ZNF385D: variants seen among roughly 807,000 people sequenced by gnomAD.
ZNF385D encodes the protein zinc finger protein 659.
Under a neutral mutation model 35.8 loss-of-function variants are expected in ZNF385D, and 15 were observed. The observed-to-expected ratio is 0.42, with a 90% CI of 0.28 to 0.64. The LOEUF (loss-of-function observed/expected upper bound fraction) is 0.64, where lower values mean the gene tolerates loss of function less well. ZNF385D is among the 30% of genes least tolerant of loss of function. The pLI is 0.23. For synonymous variants in ZNF385D, 212 were observed against 186.8 expected (o/e 1.13, Z -1.10); for missense variants, 474 against 494.6 (o/e 0.96, Z 0.39).
rs1703794940 is a variant in ZNF385D, at chr3:21,978,657, G to C, written c.325+190160C>G. ...TTCTTATTCAATTACTCTTTTATGA[G>C]TACAAGACATTTCTATTATGTCTAT... is the stretch of plus-strand genomic sequence containing the variant. On this transcript the variant is annotated intron_variant, in intron 3 of 5. Coordinates refer to the ZNF385D transcript ENST00000494108. Among the ~76,000 whole-genome samples, 3 of 152,048 alleles carry C rather than the reference G, an allele frequency of 2.0e-5. No homozygotes were observed. The South Asian group carries it at 6.2e-4, about 31-fold the overall frequency.
chr3:22,223,631 T>A (rs889714177), intron 2 of ZNF385D, among the ~76,000 whole-genome samples: 1 of 152,156 alleles, frequency 6.6e-6, no homozygotes, highest in African/African-American at 2.4e-5. Context: ...AAAAGCATAC[T>A]ATGCACCAGC....
At chr3:22,154,657 C>T (rs1705471151) in intron 3 of ZNF385D, among the ~76,000 whole-genome samples, 1 of 152,272 alleles carries the variant, frequency 6.6e-6, no homozygotes, top group Non-Finnish European at 1.5e-5. Context: ...TACCTTGCCT[C>T]TCTGGGGCTT....
intron 2 of ZNF385D, among the ~76,000 whole-genome samples, chr3:22,366,440 G>C (rs576045902): frequency 1.3e-4 from 20 of 152,238 alleles, no homozygotes; most frequent in African/African-American, 4.6e-4. Flanking sequence ...AGAGTGAAGA[G>C]AGCAGAAAAT....
At chr3:21,895,022 A>G (rs1053278075) in intron 3 of ZNF385D, among the ~76,000 whole-genome samples, 3 of 152,166 alleles carry the variant, frequency 2.0e-5, no homozygotes, top group African/African-American at 7.2e-5. Context: ...GGAATACCAC[A>G]GAGTAAATAG....
At chr3:21,642,389 C>T (rs1374005120) in intron 2 of ZNF385D, among the ~76,000 whole-genome samples, 3 of 151,970 alleles carry the variant, frequency 2.0e-5, no homozygotes, top group Non-Finnish European at 2.9e-5. Flanking sequence ...GACAAAAAAC[C>T]TCGAGTATCA....
chr3:21,573,603 A>G (rs2063399162), intron 2 of ZNF385D, among the ~76,000 whole-genome samples: 1 of 152,218 alleles, frequency 6.6e-6, no homozygotes, highest in African/African-American at 2.4e-5. Flanking sequence ...ATGGAAAACC[A>G]TACAAAAGTT....
chr3:22,132,556 C>G (rs1339093926), intron 3 of ZNF385D, among the ~76,000 whole-genome samples: 2 of 151,890 alleles, frequency 1.3e-5, no homozygotes, highest in Non-Finnish European at 2.9e-5. Context: ...AAAATTAGCC[C>G]AAATTTATTT....
At chr3:22,141,236 A>T (rs1053230063) in intron 3 of ZNF385D, among the ~76,000 whole-genome samples, 39 of 152,282 alleles carry the variant, frequency 2.6e-4, no homozygotes, top group African/African-American at 9.4e-4. Flanking sequence ...CCAATTCTTC[A>T]GAGGGTGGCA....
At position 21,623,503 on chromosome 3, in the gene ZNF385D, C is replaced by T. The variant is rs183901289; in HGVS notation, c.165+41383G>A. On this transcript the variant is annotated intron_variant, in intron 2 of 7. Coordinates refer to ENST00000281523, the MANE Select transcript of ZNF385D (RefSeq NM_024697.3). ...CAAGAAAATCAAGAAATTATCCAGG[C>T]ATGATGGTGCATGCTTGTAGTCTTA... 9.7e-4 allele frequency among the ~76,000 whole-genome samples: 148 copies of T among 151,926 alleles called. 1 individual carries two copies. Among genetic ancestry groups the T allele is most frequent in the Admixed American group, 3.7e-3 (57 of 15,230 alleles).
intron 3 of ZNF385D, among the ~76,000 whole-genome samples, chr3:22,075,954 CTTCT>C (rs1195152978): frequency 2.0e-5 from 3 of 151,910 alleles, no homozygotes; most frequent in Non-Finnish European, 2.9e-5. Flanking sequence ...ATATTCTTCG[CTTCT>C]TTAATTCCCC....
chr3:21,772,337 A>C (rs917709031), intron 3 of ZNF385D, among the ~76,000 whole-genome samples: 6 of 151,902 alleles, frequency 3.9e-5, no homozygotes, highest in African/African-American at 1.4e-4. Context: ...ATCTGATAAC[A>C]GATTAATAGC....
At chr3:21,664,301 G>C (rs1357068533) in intron 2 of ZNF385D, among the ~76,000 whole-genome samples, 2 of 152,072 alleles carry the variant, frequency 1.3e-5, no homozygotes, top group Non-Finnish European at 2.9e-5. Flanking sequence ...TGTGCTGAGA[G>C]GCTATTGACA....
At chr3:21,455,712 T>G (rs1423475671) in intron 4 of ZNF385D, among the ~76,000 whole-genome samples, 55 of 152,110 alleles carry the variant, frequency 3.6e-4, no homozygotes, top group African/African-American at 1.3e-3. Context: ...CCAAAAGCAA[T>G]GGCAACAAAA....
At chr3:22,242,088 G>C (rs935373517) in intron 2 of ZNF385D, among the ~76,000 whole-genome samples, 9 of 150,464 alleles carry the variant, frequency 6.0e-5, no homozygotes, top group Non-Finnish European at 1.0e-4. Context: ...GGTGGGGGAA[G>C]GGGGGAGGGA....
intron 2 of ZNF385D, chr3:22,372,431 C>T (rs1312855844): frequency 1.4e-5 from 14 of 985,316 alleles, no homozygotes; most frequent in African/African-American, 1.7e-5. Flanking sequence ...CGAGACACCT[C>T]TTTTTGCACT....
chr3:22,197,895 A>C (rs1196796665), intron 2 of ZNF385D, among the ~76,000 whole-genome samples: 2 of 152,116 alleles, frequency 1.3e-5, no homozygotes, highest in Admixed American at 1.3e-4. Context: ...CTCAGACTTC[A>C]AACAGCTTTT....
At chr3:22,185,642 A>G (rs1014403966) in intron 2 of ZNF385D, among the ~76,000 whole-genome samples, 2 of 151,998 alleles carry the variant, frequency 1.3e-5, no homozygotes, top group African/African-American at 2.4e-5. Context: ...TAATTTTTGT[A>G]TTTTTAGTAG....
At chr3:21,797,421 A>C (rs990527882) in intron 3 of ZNF385D, among the ~76,000 whole-genome samples, 1 of 152,210 alleles carries the variant, frequency 6.6e-6, no homozygotes, top group Non-Finnish European at 1.5e-5. Flanking sequence ...TTTGGAAGAC[A>C]GTTTGGTGGT....
At chr3:21,784,776 T>G (rs958077032) in intron 3 of ZNF385D, among the ~76,000 whole-genome samples, 7 of 152,194 alleles carry the variant, frequency 4.6e-5, no homozygotes, top group Non-Finnish European at 4.4e-5. Flanking sequence ...AATATCAAAA[T>G]TTTAAATAAG....
Sources: gnomAD v4.1 joint callset for allele counts (sites outside exome capture counted in the v4.1 genomes callset) on GRCh38, gnomAD v4.1.1 for gene constraint, MANE v1.5 for transcripts, NCBI Gene and HGNC (gene_info 2026-07-23, HGNC 2026-07-21) for gene names.